The following CDH12 variants were observed in gnomAD, a reference collection of about 807,000 sequenced individuals.
CDH12 encodes the protein cadherin 12, also known as cadherin-12.
CDH12 carries 41 observed loss-of-function variants against 74.1 expected under a neutral mutation model. That is an observed-to-expected ratio of 0.55 (90% CI 0.43 to 0.72). The LOEUF (loss-of-function observed/expected upper bound fraction) is 0.72, where lower values mean the gene tolerates loss of function less well. Among genes scored for constraint, CDH12 ranks in the 30% least tolerant of loss-of-function variants. The pLI is 0.00. For missense variants in CDH12, 945 were observed against 977.2 expected, an observed-to-expected ratio of 0.97 and a Z score of 0.44; for synonymous variants, 399 against 355.0, an observed-to-expected ratio of 1.12 and a Z score of -1.39.
chr5:22,074,173 T>C (rs955013934), intron 5 of CDH12, among the ~76,000 whole-genome samples: 1 of 152,112 alleles, frequency 6.6e-6, no homozygotes, highest in Non-Finnish European at 1.5e-5. Flanking sequence ...TCTACAACTA[T>C]CTGATCTTTG....
chr5:22,640,859 T>C (rs1001094889), intron 1 of CDH12, among the ~76,000 whole-genome samples: 4 of 152,294 alleles, frequency 2.6e-5, no homozygotes, highest in Non-Finnish European at 4.4e-5. Flanking sequence ...CATACGATTC[T>C]CTACCAGCCA....
chr5:22,478,114 A>T (rs373040836), intron 2 of CDH12, among the ~76,000 whole-genome samples: 6 of 152,188 alleles, frequency 3.9e-5, no homozygotes, highest in African/African-American at 1.2e-4. Context: ...TTTATTGTTA[A>T]TTTTTTTGAA....
chr5:22,251,584 A>T lies in CDH12; in HGVS notation c.-332-38941T>A, dbSNP rs543038850. Among the ~76,000 whole-genome samples the T allele has an allele frequency of 1.5e-4, 23 of 152,328 alleles. No individual in the cohort carries two copies. The South Asian group carries it at 4.8e-3, about 32-fold the overall frequency. ...TTATCTGTAAAGCAGGGATGATAAA[A>T]ATAGGGATGCTGTGTATTAAAATGA... On this transcript the variant is annotated intron_variant, in intron 3 of 14. Transcript: ENST00000382254.
At chr5:22,106,436 T>C (rs1338528942) in intron 4 of CDH12, among the ~76,000 whole-genome samples, 2 of 152,256 alleles carry the variant, frequency 1.3e-5, no homozygotes, top group African/African-American at 2.4e-5. Flanking sequence ...GTAGATGTGC[T>C]AATTGTCCTA....
chr5:22,546,069 C>A (rs769346270), intron 1 of CDH12, among the ~76,000 whole-genome samples: 1 of 151,992 alleles, frequency 6.6e-6, no homozygotes, highest in Non-Finnish European at 1.5e-5. Flanking sequence ...CTCAGCCTCC[C>A]AAGTAGCCAA....
intron 4 of CDH12, among the ~76,000 whole-genome samples, chr5:22,092,256 T>TAA (rs1743478969): frequency 6.6e-6 from 1 of 151,940 alleles, no homozygotes. Flanking sequence ...AGTGACAAGA[T>TAA]AAAGACAAGC....
chr5:21,826,611 C>CA (rs1748685827), intron 8 of CDH12, among the ~76,000 whole-genome samples: 1 of 152,152 alleles, frequency 6.6e-6, no homozygotes, highest in South Asian at 2.1e-4. Flanking sequence ...TCATTTCCAT[C>CA]ACTCCTAGGT....
rs191571220 is a variant in CDH12 at position 22,786,345 on chromosome 5, G to A, written c.-523+66713C>T. 3.3e-5 allele frequency among the ~76,000 whole-genome samples: 5 copies of A among 152,344 alleles called. No individual in the cohort carries two copies. The East Asian group carries it at 9.7e-4, about 29-fold the overall frequency. On this transcript the variant is annotated intron_variant, in intron 1 of 14. Coordinates refer to ENST00000382254, the MANE Select transcript of CDH12 (RefSeq NM_004061.5). The stretch of plus-strand genomic sequence containing the variant: ...TGTGAATGTAGACATACTGTGTGGG[G>A]AAGAAGCTAACACAGAAGACCTGAA...
At chr5:22,673,973 T>C (rs1315011887) in intron 1 of CDH12, among the ~76,000 whole-genome samples, 1 of 152,154 alleles carries the variant, frequency 6.6e-6, no homozygotes, top group Admixed American at 6.5e-5. Context: ...TGACAACACG[T>C]CTAGGTAACA....
intron 1 of CDH12, among the ~76,000 whole-genome samples, chr5:22,736,978 T>C (rs1229004219): frequency 1.3e-5 from 2 of 151,960 alleles, no homozygotes; most frequent in Non-Finnish European, 2.9e-5. Flanking sequence ...GGTGGATTCC[T>C]AGTAATTTTA....
intron 4 of CDH12, among the ~76,000 whole-genome samples, chr5:22,153,157 T>G (rs1747715672): frequency 6.7e-6 from 1 of 150,206 alleles, no homozygotes; most frequent in Non-Finnish European, 1.5e-5. Flanking sequence ...CATACGATAG[T>G]TCTTTTCTTT....
In CDH12 at chr5:21,751,609, AGTGTGTGT is replaced by A. The variant is rs1554025827; in HGVS notation, c.*120_*127del. The A allele has an allele frequency of 9.9e-4, 549 of 556,124 alleles. 1 individual carries two copies. The highest frequency in any genetic ancestry group is 1.5e-3 in the Non-Finnish European group (513 of 332,372). The allele number at this position is 556,124 out of a possible 1,614,324, so 34.4% of individuals were successfully genotyped here. A position where few individuals can be genotyped will look rare whatever the true frequency, so the allele number is the denominator to read the frequency against. On this transcript the variant is annotated 3_prime_UTR_variant, in exon 15 of 15. Transcript: ENST00000382254. Reference sequence around the variant, plus strand: ...GGTAATCAAAGGAATCTTGTCCCAGAGTGTGTGTGTGTGTGTGTGTGTTTGTGTGTGTG... The same window carrying A: ...GGTAATCAAAGGAATCTTGTCCCAGAGTGTGTGTGTGTGTTTGTGTGTGTG...
intron 3 of CDH12, among the ~76,000 whole-genome samples, chr5:22,342,636 TTC>T (rs1437642595): frequency 2.2e-5 from 1 of 46,112 alleles, no homozygotes; most frequent in Non-Finnish European, 4.5e-5. Context: ...TTCTATTTCT[TTC>T]TCTTTCTTAT....
chr5:22,776,259 C>A (rs1256571994), intron 1 of CDH12, among the ~76,000 whole-genome samples: 1 of 152,126 alleles, frequency 6.6e-6, no homozygotes, highest in African/African-American at 2.4e-5. Flanking sequence ...TTATAAAGCT[C>A]TGGGTACTCT....
intron 2 of CDH12, among the ~76,000 whole-genome samples, chr5:22,502,465 T>C (rs533866163): frequency 6.6e-6 from 1 of 152,186 alleles, no homozygotes; most frequent in Admixed American, 6.6e-5. Context: ...AACACACTAA[T>C]ACATTAGTTA....
At position 22,836,223 on chromosome 5, in the gene CDH12, C is replaced by CTTTTTTTTTTTTTTTTTTTTTTTTTTTTT. The variant is rs61616737; in HGVS notation, c.-523+16834_-523+16835insAAAAAAAAAAAAAAAAAAAAAAAAAAAAA. ...TTTTTTTCTTTTTTTCTTTCTTTCT[C>CTTTTTTTTTTTTTTTTTTTTTTTTTTTTT]TTTTTTTTTTTTTTTTTTGAGACAG... On this transcript the variant is annotated intron_variant, in intron 1 of 14. Transcript: ENST00000382254. Among the ~76,000 whole-genome samples the CTTTTTTTTTTTTTTTTTTTTTTTTTTTTT allele has an allele frequency of 1.2e-4, 8 of 65,508 alleles. 1 individual carries two copies. The highest frequency in any genetic ancestry group is 2.5e-4 in the African/African-American group (4 of 16,092). 43.0% of individuals were successfully genotyped at this position (65,508 alleles called of 152,430 possible). A position where few individuals can be genotyped will look rare whatever the true frequency, so the allele number is the denominator to read the frequency against.
chr5:22,803,485 A>G (rs1281346223), intron 1 of CDH12, among the ~76,000 whole-genome samples: 1 of 152,162 alleles, frequency 6.6e-6, no homozygotes, highest in Non-Finnish European at 1.5e-5. Context: ...CTTAATTCCT[A>G]CAATACACAA....
intron 3 of CDH12, among the ~76,000 whole-genome samples, chr5:22,224,404 TC>T (rs112551589): frequency 0.092 from 14,025 of 152,090 alleles, 674 homozygotes; most frequent in South Asian, 0.15. Context: ...ATCAGGTGCA[TC>T]CTGCATGAGG....
chr5:22,832,407 AAGAAATTG>A (rs1221120470), intron 1 of CDH12, among the ~76,000 whole-genome samples: 1 of 152,176 alleles, frequency 6.6e-6, no homozygotes, highest in Admixed American at 6.6e-5. Flanking sequence ...TCTGAAGTTT[AAGAAATTG>A]GCCACGGCTT....
Sources: allele counts gnomAD v4.1 joint callset (sites outside exome capture counted in the v4.1 genomes callset), GRCh38; gene constraint gnomAD v4.1.1; transcripts MANE v1.5; gene names NCBI Gene and HGNC (gene_info 2026-07-23, HGNC 2026-07-21).